DSCAML1: variants seen among roughly 807,000 people sequenced by gnomAD.
DSCAML1 encodes the protein DS cell adhesion molecule like 1.
DSCAML1 carries 38 observed loss-of-function variants against 200.5 expected under a neutral mutation model. The observed-to-expected ratio is 0.19, with a 90% CI of 0.15 to 0.25. The LOEUF (loss-of-function observed/expected upper bound fraction) is 0.25, where lower values mean the gene tolerates loss of function less well. Among genes scored for constraint, DSCAML1 ranks in the 10% least tolerant of loss-of-function variants. The probability of loss-of-function intolerance (pLI) is 1.00; values close to 1 mark genes in which losing one functional copy is unlikely to be tolerated. For missense variants in DSCAML1, 2,223 were observed against 2,858.8 expected (o/e 0.78, Z 5.07); for synonymous variants, 1,215 against 1,165.0 (o/e 1.04, Z -0.87).
At chr11:117,715,580 G>A (rs578106750) in intron 3 of DSCAML1, among the ~76,000 whole-genome samples, 16 of 152,306 alleles carry the variant, frequency 1.1e-4, no homozygotes, top group African/African-American at 3.4e-4. Context: ...TGGTGATGCC[G>A]ATTTTGTCTT....
chr11:117,721,061 G>A (rs534402916), intron 3 of DSCAML1, among the ~76,000 whole-genome samples: 51 of 152,320 alleles, frequency 3.3e-4, no homozygotes, highest in Non-Finnish European at 5.9e-4. Flanking sequence ...AAACCAAGAT[G>A]CGGAGAGGTG....
At chr11:117,687,916 T>TG (rs1452922031) in intron 3 of DSCAML1, among the ~76,000 whole-genome samples, 1 of 152,166 alleles carries the variant, frequency 6.6e-6, no homozygotes, top group African/African-American at 2.4e-5. Context: ...CATGGCCAGA[T>TG]GGGCCACGTG....
Position 117,684,435 on chromosome 11 carries a change from T to TAA in DSCAML1, c.511+92354_511+92355dup, listed in dbSNP as rs149958154. Among the ~76,000 whole-genome samples, 28 of 74,598 alleles carry TAA rather than the reference T, an allele frequency of 3.8e-4. 1 individual carries two copies. The highest frequency in any genetic ancestry group is 8.4e-4 in the African/African-American group (20 of 23,920). 48.9% of individuals were successfully genotyped at this position (74,598 alleles called of 152,430 possible). A position where few individuals can be genotyped will look rare whatever the true frequency, so the allele number is the denominator to read the frequency against. ...CAAACTGTTCACACATTTCATTAAC[T>TAA]AAAAAAAAAAAAAAAAAAAAAAAAA... On this transcript the variant is annotated intron_variant, in intron 3 of 32. Transcript: ENST00000651296.
At chr11:117,782,356 G>C (rs2055279801) in intron 1 of DSCAML1, among the ~76,000 whole-genome samples, 1 of 152,222 alleles carries the variant, frequency 6.6e-6, no homozygotes, top group Non-Finnish European at 1.5e-5. Flanking sequence ...TGGGCTTCTT[G>C]CTGCGGTGTC....
At chr11:117,800,370 C>T (rs760981099), upstream of DSCAML1, among the ~76,000 whole-genome samples, 3 of 152,328 alleles carry the variant, frequency 2.0e-5, no homozygotes, top group Non-Finnish European at 2.9e-5. Context: ...ATAGAAGGGA[C>T]AGTTCCCAAA....
At chr11:117,661,991 T>C (rs1252660805) in intron 3 of DSCAML1, among the ~76,000 whole-genome samples, 2 of 152,224 alleles carry the variant, frequency 1.3e-5, no homozygotes, top group Non-Finnish European at 2.9e-5. Context: ...ACTTCAGCAC[T>C]AAGGACCATG....
chr11:117,774,905 G>T (rs1673702755), intron 3 of DSCAML1, among the ~76,000 whole-genome samples: 1 of 152,092 alleles, frequency 6.6e-6, no homozygotes. Flanking sequence ...TTTTTGTGAT[G>T]ATACAAAGAG....
chr11:117,789,612 G>A (rs915765006), intron 1 of DSCAML1, among the ~76,000 whole-genome samples: 3 of 152,102 alleles, frequency 2.0e-5, no homozygotes, highest in Non-Finnish European at 2.9e-5. Context: ...ATGAAGCACC[G>A]AAACGATGTC....
intron 27 of DSCAML1, 108 bp downstream of exon 27, chr11:117,435,536 A>G (rs2047896822): frequency 7.5e-7 from 1 of 1,327,448 alleles, no homozygotes; most frequent in East Asian, 2.4e-5. Flanking sequence ...TCAAGGGGAC[A>G]CAGGCACTCT....
At chr11:117,578,956 G>A (rs2050997860) in intron 3 of DSCAML1, among the ~76,000 whole-genome samples, 1 of 152,214 alleles carries the variant, frequency 6.6e-6, no homozygotes, top group African/African-American at 2.4e-5. Flanking sequence ...CCCATGAAGG[G>A]CATCCCAACC....
chr11:117,625,921 G>A (rs919390927), intron 3 of DSCAML1, among the ~76,000 whole-genome samples: 2 of 152,172 alleles, frequency 1.3e-5, no homozygotes, highest in Non-Finnish European at 2.9e-5. Flanking sequence ...TCTATGAGGC[G>A]CATCTTCCCC....
At position 117,498,812 on chromosome 11, in the gene DSCAML1, C is replaced by T. The variant is rs937282022; in HGVS notation, c.2359+5033G>A. ...GCTGGGTGTGTGCTCGCTGAGGGCA[C>T]TGGGACCTTATTTTAATTGGTCTGA... On this transcript the variant is annotated intron_variant, in intron 11 of 32. Coordinates refer to ENST00000651296, the MANE Select transcript of DSCAML1 (RefSeq NM_020693.4). This position sits in a 1 kb window ranked among gnomAD's most constrained non-coding sequence, Gnocchi z 4.0. 3.3e-5 allele frequency among the ~76,000 whole-genome samples: 5 copies of T among 152,190 alleles called. No homozygotes were observed. The highest frequency in any genetic ancestry group is 1.3e-4 in the Admixed American group (2 of 15,278).
At chr11:117,605,938 T>C (rs2137519330) in intron 3 of DSCAML1, among the ~76,000 whole-genome samples, 2 of 152,096 alleles carry the variant, frequency 1.3e-5, no homozygotes, top group South Asian at 4.1e-4. Flanking sequence ...GGAGATGGGG[T>C]GTACACCACC....
chr11:117,692,630 A>G (rs1052418448), intron 3 of DSCAML1, among the ~76,000 whole-genome samples: 1 of 152,174 alleles, frequency 6.6e-6, no homozygotes, highest in Non-Finnish European at 1.5e-5. Flanking sequence ...TCATAATCAT[A>G]ATAAAAATCA....
In DSCAML1 at chr11:117,431,686, C is replaced by T. The variant is rs372286656; in HGVS notation, c.5222G>A (p.Arg1741Gln). The change falls in exon 31 of 33, where the codon CGG (arginine) becomes CAG (glutamine). Residue 1741 changes from arginine (R) to glutamine (Q), a missense_variant. By Grantham distance (43) the Arg-to-Gln change is conservative. Around this residue, in one of 7 missense-constraint regions of DSCAML1, gnomAD observed 614 missense variants for 739.1 expected, o/e 0.83. Coordinates refer to ENST00000651296, the MANE Select transcript of DSCAML1 (RefSeq NM_020693.4). ...RKNVKSAHST[R>Q]NRYSSQWTLT... ...GGTCCACTGGCTTGAGTACCGGTTC[C>T]GGGTGCTGTGGGCTGACTTCACATT... The T allele has an allele frequency of 1.6e-5, 25 of 1,607,414 alleles. No homozygotes were observed. The highest frequency in any genetic ancestry group is 2.2e-5 in the East Asian group (1 of 44,670).
chr11:117,742,135 G>A (rs754469851), intron 3 of DSCAML1, among the ~76,000 whole-genome samples: 5 of 152,188 alleles, frequency 3.3e-5, no homozygotes, highest in Non-Finnish European at 7.3e-5. Flanking sequence ...TAGAAACTGG[G>A]TCTAGGAAAG....
intron 3 of DSCAML1, among the ~76,000 whole-genome samples, chr11:117,675,181 T>C (rs144250979): frequency 1.3e-5 from 2 of 152,232 alleles, no homozygotes; most frequent in Non-Finnish European, 1.5e-5. Flanking sequence ...CACTGTGTGT[T>C]AGCGTTTATA....
At chr11:117,619,954 T>G (rs142831338) in intron 3 of DSCAML1, among the ~76,000 whole-genome samples, 2 of 152,346 alleles carry the variant, frequency 1.3e-5, no homozygotes, top group East Asian at 3.9e-4. Context: ...GGGAGCTTTA[T>G]TGAGCCTACG....
chr11:117,533,832 C>T (rs2050122524), intron 3 of DSCAML1, among the ~76,000 whole-genome samples: 1 of 152,182 alleles, frequency 6.6e-6, no homozygotes, highest in African/African-American at 2.4e-5. Flanking sequence ...GCACTAGACT[C>T]CCTAAGCTCA....
Sources: allele counts gnomAD v4.1 joint callset (sites outside exome capture counted in the v4.1 genomes callset), GRCh38; gene constraint gnomAD v4.1.1; regional missense constraint gnomAD v4.1.1; non-coding constraint Gnocchi (gnomAD v3.1); transcripts MANE v1.5; gene names NCBI Gene and HGNC (gene_info 2026-07-23, HGNC 2026-07-21).